GRIK3: variants seen among roughly 807,000 people sequenced by gnomAD.
The protein encoded by GRIK3 is glutamate ionotropic receptor kainate type subunit 3.
A neutral mutation model predicts 102.5 loss-of-function variants in GRIK3; 29 were observed. That is an observed-to-expected ratio of 0.28 (90% CI 0.21 to 0.39). The LOEUF is 0.39. Ranked by LOEUF, GRIK3 falls within the 10% of genes least tolerant of loss-of-function variation. The pLI is 1.00. For synonymous variants in GRIK3, 511 were observed against 504.9 expected (o/e 1.01, Z -0.16); for missense variants, 908 against 1,252.4 (o/e 0.73, Z 4.15).
intron 1 of GRIK3, among the ~76,000 whole-genome samples, chr1:36,961,612 C>T (rs1294808760): frequency 2.0e-5 from 3 of 152,226 alleles, no homozygotes; most frequent in Non-Finnish European, 4.4e-5. Context: ...CAGGGCCTAT[C>T]TGTGAGACGG....
At chr1:36,839,937 G>T (rs1046753186) in intron 10 of GRIK3, among the ~76,000 whole-genome samples, 3 of 152,162 alleles carry the variant, frequency 2.0e-5, no homozygotes, top group African/African-American at 7.2e-5. Flanking sequence ...GAGGCAAGGG[G>T]GCTTAACCGA....
At position 36,903,597 on chromosome 1, in the gene GRIK3, A is replaced by G. The variant is rs1404029976; in HGVS notation, c.116-12501T>C. 4.2e-4 allele frequency among the ~76,000 whole-genome samples: 64 copies of G among 152,366 alleles called. 1 individual carries two copies. The highest frequency in any genetic ancestry group is 2.2e-4 in the Non-Finnish European group (15 of 68,038). On this transcript the variant is annotated intron_variant, in intron 1 of 15. Transcript: ENST00000373091. Reference sequence around the variant, plus strand: ...CCTTCAGTAGATGAGTGGATACACAAACTGGCTACATCCAGACAATGGAAT... The same window carrying G: ...CCTTCAGTAGATGAGTGGATACACAGACTGGCTACATCCAGACAATGGAAT...
At chr1:36,847,441 T>C (rs904017358) in intron 9 of GRIK3, among the ~76,000 whole-genome samples, 2 of 152,228 alleles carry the variant, frequency 1.3e-5, no homozygotes, top group African/African-American at 4.8e-5. Context: ...GAACAGCCTG[T>C]GCTAGAGATC....
intron 10 of GRIK3, among the ~76,000 whole-genome samples, chr1:36,828,577 G>C (rs1024004692): frequency 6.6e-6 from 1 of 152,144 alleles, no homozygotes; most frequent in African/African-American, 2.4e-5. Flanking sequence ...TGGAAGTATA[G>C]CCTATGATGT....
intron 1 of GRIK3, among the ~76,000 whole-genome samples, chr1:37,026,015 A>C (rs1185033668): frequency 6.6e-6 from 1 of 152,016 alleles, no homozygotes; most frequent in African/African-American, 2.4e-5. Context: ...AGGAGAGCTA[A>C]AGTGTCTATC....
chr1:36,874,283 G>T (rs192856266), intron 3 of GRIK3, among the ~76,000 whole-genome samples: 1 of 152,152 alleles, frequency 6.6e-6, no homozygotes, highest in African/African-American at 2.4e-5. Context: ...CAATCTGATT[G>T]GTGTCCATCA....
intron 1 of GRIK3, among the ~76,000 whole-genome samples, chr1:37,032,487 G>T (rs540818721): frequency 2.1e-5 from 3 of 140,046 alleles, no homozygotes; most frequent in East Asian, 1.9e-4. Flanking sequence ...GTCCATTACT[G>T]GGGGGGGAAG....
chr1:36,973,023 C>T (rs898270088), intron 1 of GRIK3, among the ~76,000 whole-genome samples: 4 of 152,186 alleles, frequency 2.6e-5, no homozygotes, highest in East Asian at 3.8e-4. Flanking sequence ...CACTGTAGTC[C>T]CTTGGGAAGA....
intron 10 of GRIK3, among the ~76,000 whole-genome samples, chr1:36,836,980 C>A (rs1035769938): frequency 2.0e-5 from 3 of 151,926 alleles, no homozygotes; most frequent in Non-Finnish European, 4.4e-5. Flanking sequence ...GGCCACTGAC[C>A]CTCCCCCCCT....
intron 1 of GRIK3, among the ~76,000 whole-genome samples, chr1:36,924,822 C>T (rs1382705638): frequency 6.6e-6 from 1 of 152,106 alleles, no homozygotes; most frequent in East Asian, 1.9e-4. Flanking sequence ...CACACCTTCT[C>T]GCAGGGGACA....
chr1:36,862,831 T>C (rs1002430856), intron 5 of GRIK3, among the ~76,000 whole-genome samples: 2 of 152,198 alleles, frequency 1.3e-5, no homozygotes, highest in Non-Finnish European at 2.9e-5. Context: ...TTAGAACATG[T>C]CTGGGACATA....
intron 1 of GRIK3, among the ~76,000 whole-genome samples, chr1:36,921,616 CTT>C (rs5773552): frequency 1.8e-4 from 27 of 151,646 alleles, no homozygotes; most frequent in Middle Eastern, 3.4e-3. Flanking sequence ...TCAAATCACA[CTT>C]TTTTTTTTCA....
At chr1:36,870,702 A>C (rs1437886816) in intron 4 of GRIK3, among the ~76,000 whole-genome samples, 6 of 152,164 alleles carry the variant, frequency 3.9e-5, no homozygotes, top group African/African-American at 1.4e-4. Context: ...AATCAGACAG[A>C]CCTGGGAGTC....
At chr1:36,913,537 C>G (rs1274558457) in intron 1 of GRIK3, among the ~76,000 whole-genome samples, 1 of 152,230 alleles carries the variant, frequency 6.6e-6, no homozygotes, top group Non-Finnish European at 1.5e-5. Context: ...CCTGAATGAA[C>G]AGTGAAGAAA....
chr1:36,964,558 T>C (rs1642060014), intron 1 of GRIK3, among the ~76,000 whole-genome samples: 1 of 152,242 alleles, frequency 6.6e-6, no homozygotes, highest in Non-Finnish European at 1.5e-5. Context: ...TTGGATACTT[T>C]CTCATGTTCA....
intron 1 of GRIK3, among the ~76,000 whole-genome samples, chr1:37,016,050 GC>G (rs1642649801): frequency 6.6e-6 from 1 of 152,214 alleles, no homozygotes; most frequent in Non-Finnish European, 1.5e-5. Context: ...AGCCACTTGT[GC>G]CCAGGCAGGC....
chr1:36,948,146 G>T lies in GRIK3; in HGVS notation c.116-57050C>A, dbSNP rs544226662. Among the ~76,000 whole-genome samples the T allele has an allele frequency of 1.1e-3, 175 of 152,310 alleles. 2 individuals carry two copies. The South Asian group carries it at 0.03, about 26-fold the overall frequency. ...CCCATGCAACACCTGGTATCAAACT[G>T]GGGCAGTACTAGGTACTCAGTACAT... On this transcript the variant is annotated intron_variant, in intron 1 of 15. Coordinates refer to ENST00000373091, the MANE Select transcript of GRIK3 (RefSeq NM_000831.4).
intron 13 of GRIK3, 58 bp downstream of exon 13, chr1:36,817,002 G>T: frequency 1.6e-6 from 2 of 1,237,426 alleles, no homozygotes; most frequent in Non-Finnish European, 2.4e-6. Flanking sequence ...CTTCTGCTCA[G>T]TAAAGGGTCC....
intron 10 of GRIK3, among the ~76,000 whole-genome samples, chr1:36,840,788 C>T (rs913762470): frequency 1.3e-5 from 2 of 152,148 alleles, no homozygotes; most frequent in East Asian, 1.9e-4. Flanking sequence ...TGAACTTACC[C>T]GGTCACACAA....
Sources: gnomAD v4.1 joint callset for allele counts (sites outside exome capture counted in the v4.1 genomes callset) on GRCh38, gnomAD v4.1.1 for gene constraint, MANE v1.5 for transcripts, NCBI Gene and HGNC (gene_info 2026-07-23, HGNC 2026-07-21) for gene names.